ELAVL2: variants seen among roughly 807,000 people sequenced by gnomAD.
The protein encoded by ELAVL2 is ELAV-like protein 2.
Under a neutral mutation model 34.6 loss-of-function variants are expected in ELAVL2, and 4 were observed. The observed-to-expected ratio is 0.12, with a 90% CI of 0.06 to 0.26. The LOEUF (loss-of-function observed/expected upper bound fraction) is 0.26, where lower values mean the gene tolerates loss of function less well. Ranked by LOEUF, ELAVL2 falls within the 10% of genes least tolerant of loss-of-function variation. The pLI, the probability that ELAVL2 is intolerant of heterozygous loss-of-function variation, is 1.00. For missense variants in ELAVL2, 432 were observed against 442.8 expected (o/e 0.98, Z 0.22); for synonymous variants, 193 against 154.8 (o/e 1.25, Z -1.83).
At position 23,785,395 on chromosome 9, in the gene ELAVL2, G is replaced by A. The variant is rs370874125; in HGVS notation, c.-15-23146C>T. 3.9e-5 allele frequency among the ~76,000 whole-genome samples: 6 copies of A among 152,320 alleles called. No individual in the cohort carries two copies. In the South Asian group the frequency reaches 6.2e-4, roughly 16 times the overall value. On this transcript the variant is annotated intron_variant, in intron 1 of 6. Transcript: ENST00000397312. ...TAGACCAAAGCATATTATAAAATGA[G>A]AATTTTGATGAATTTAACTTAGTGT...
intron 1 of ELAVL2, among the ~76,000 whole-genome samples, chr9:23,820,149 C>T (rs1192436757): frequency 6.6e-6 from 1 of 152,204 alleles, no homozygotes; most frequent in Non-Finnish European, 1.5e-5. Context: ...CGAAACGATT[C>T]TTGAGAAAAC....
intron 1 of ELAVL2, among the ~76,000 whole-genome samples, chr9:23,818,775 C>T (rs2064096352): frequency 6.6e-6 from 1 of 152,162 alleles, no homozygotes; most frequent in Admixed American, 6.5e-5. Context: ...AATACTGATG[C>T]TACCATGCAG....
intron 1 of ELAVL2, among the ~76,000 whole-genome samples, chr9:23,801,162 C>A (rs1185395615): frequency 1.3e-5 from 2 of 152,146 alleles, no homozygotes; most frequent in Non-Finnish European, 2.9e-5. Context: ...GAAGTAGGTA[C>A]ACGCACCCAG....
intron 1 of ELAVL2, among the ~76,000 whole-genome samples, chr9:23,781,961 G>A (rs965735983): frequency 6.6e-6 from 1 of 152,108 alleles, no homozygotes; most frequent in Non-Finnish European, 1.5e-5. Flanking sequence ...TGGGATTACA[G>A]GCGTGAGCCA....
intron 1 of ELAVL2, among the ~76,000 whole-genome samples, chr9:23,823,442 C>G (rs1044822476): frequency 5.3e-5 from 8 of 152,148 alleles, no homozygotes; most frequent in Non-Finnish European, 7.3e-5. Flanking sequence ...TTCCTACAAC[C>G]GTAGCGTTTT....
At chr9:23,698,312 C>G (rs1443281253) in intron 5 of ELAVL2, among the ~76,000 whole-genome samples, 1 of 152,152 alleles carries the variant, frequency 6.6e-6, no homozygotes, top group Non-Finnish European at 1.5e-5. Context: ...AAACTGCAGT[C>G]AATTAAATAA....
intron 1 of ELAVL2, among the ~76,000 whole-genome samples, chr9:23,820,797 A>G (rs1375271301): frequency 6.6e-6 from 1 of 152,196 alleles, no homozygotes; most frequent in Non-Finnish European, 1.5e-5. Flanking sequence ...AGCTGCCGCA[A>G]CCACGGCAAG....
intron 3 of ELAVL2, among the ~76,000 whole-genome samples, chr9:23,720,526 C>T (rs1158334836): frequency 1.3e-5 from 2 of 152,044 alleles, no homozygotes; most frequent in African/African-American, 2.4e-5. Flanking sequence ...CTCCAAATAC[C>T]CTCAGAAGCA....
intron 1 of ELAVL2, among the ~76,000 whole-genome samples, chr9:23,776,231 G>C (rs1028804282): frequency 6.6e-6 from 1 of 152,106 alleles, no homozygotes; most frequent in South Asian, 2.1e-4. Context: ...ATCTCTTTCC[G>C]CATATAGCTA....
chr9:23,825,357 C>T (rs917887626), intron 1 of ELAVL2, among the ~76,000 whole-genome samples: 1 of 152,198 alleles, frequency 6.6e-6, no homozygotes, highest in Non-Finnish European at 1.5e-5. Context: ...GCAATTAAGC[C>T]TGTGGTTTTC....
chr9:23,715,984 G>A (rs1469064915), intron 3 of ELAVL2, among the ~76,000 whole-genome samples: 5 of 152,134 alleles, frequency 3.3e-5, no homozygotes, highest in Non-Finnish European at 4.4e-5. Context: ...AGAAGTACAT[G>A]AAAAGGAGAA....
intron 5 of ELAVL2, among the ~76,000 whole-genome samples, chr9:23,696,706 G>C (rs533522617): frequency 1.3e-5 from 2 of 151,920 alleles, no homozygotes; most frequent in Admixed American, 6.6e-5. Context: ...TCCTGACCTC[G>C]TGATCCACCC....
At chr9:23,834,424 C>G in the ELAVL2 span, among the ~76,000 whole-genome samples, 1 of 151,906 alleles carries the variant, frequency 6.6e-6, no homozygotes, top group South Asian at 2.1e-4. Flanking sequence ...GGACAAGTTA[C>G]TTTATTGCTT....
intron 1 of ELAVL2, among the ~76,000 whole-genome samples, chr9:23,785,012 T>C (rs1401306586): frequency 6.6e-6 from 1 of 152,214 alleles, no homozygotes; most frequent in Non-Finnish European, 1.5e-5. Flanking sequence ...CATCCTACTT[T>C]GGGGCATCTA....
chr9:23,795,529 A>G (rs1343133396), intron 1 of ELAVL2, among the ~76,000 whole-genome samples: 1 of 152,178 alleles, frequency 6.6e-6, no homozygotes, highest in Non-Finnish European at 1.5e-5. Flanking sequence ...AGCGAGACAG[A>G]GCAAGACTCC....
the ELAVL2 span, among the ~76,000 whole-genome samples, chr9:23,846,686 G>C: frequency 0.55 from 83,066 of 151,822 alleles, 23,104 homozygotes; most frequent in Middle Eastern, 0.69. Context: ...TATCCCAAAA[G>C]AGAAATAACC....
At chr9:23,763,073 A>G (rs756255072) in intron 1 of ELAVL2, among the ~76,000 whole-genome samples, 22 of 152,128 alleles carry the variant, frequency 1.4e-4, no homozygotes, top group African/African-American at 2.9e-4. Context: ...TTAATGAGAA[A>G]AAAGAAAACC....
chr9:23,789,317 T>A (rs2060069903), intron 1 of ELAVL2, among the ~76,000 whole-genome samples: 1 of 152,134 alleles, frequency 6.6e-6, no homozygotes, highest in Admixed American at 6.6e-5. Context: ...GGAATGTATG[T>A]CCCCTAACCC....
chr9:23,724,929 T>G (rs1004675449), intron 3 of ELAVL2, among the ~76,000 whole-genome samples: 1 of 152,126 alleles, frequency 6.6e-6, no homozygotes, highest in Non-Finnish European at 1.5e-5. Context: ...CATAAGTAGG[T>G]CAGTTAATTT....
Sources: gnomAD v4.1 joint callset for allele counts (sites outside exome capture counted in the v4.1 genomes callset) on GRCh38, gnomAD v4.1.1 for gene constraint, MANE v1.5 for transcripts, NCBI Gene and HGNC (gene_info 2026-07-23, HGNC 2026-07-21) for gene names.